The following GLIS1 variants were observed in gnomAD, a reference collection of about 807,000 sequenced individuals.
GLIS1 encodes zinc finger protein GLIS1.
In GLIS1, 24 loss-of-function variants were observed where a neutral mutation model predicts 63.8. The observed-to-expected ratio is 0.38, with a 90% CI of 0.27 to 0.53. The LOEUF (loss-of-function observed/expected upper bound fraction) is 0.53. Among genes scored for constraint, GLIS1 ranks in the 20% least tolerant of loss-of-function variants. GLIS1 has a pLI of 0.85. For synonymous variants in GLIS1, 450 were observed against 482.5 expected (o/e 0.93, Z 0.88); for missense variants, 1,036 against 1,074.1 (o/e 0.96, Z 0.50).
chr1:53,604,910 A>G, intron 2 of GLIS1, among the ~76,000 whole-genome samples: 1 of 30,982 alleles, frequency 3.2e-5, no homozygotes, highest in Middle Eastern at 0.017. Flanking sequence ...AAATATATAT[A>G]TATGTGTGTG....
intron 2 of GLIS1, among the ~76,000 whole-genome samples, chr1:53,666,547 G>C (rs1570014474): frequency 6.6e-6 from 1 of 152,072 alleles, no homozygotes; most frequent in African/African-American, 2.4e-5. Context: ...GGTCTGGCTT[G>C]CCTCCTCTCT....
chr1:53,677,163 C>A (rs186650181), intron 2 of GLIS1, among the ~76,000 whole-genome samples: 1 of 152,320 alleles, frequency 6.6e-6, no homozygotes, highest in African/African-American at 2.4e-5. Flanking sequence ...AATGAGCTTC[C>A]CGAGGAGCTA....
chr1:53,678,328 A>AGG (rs56148850), intron 2 of GLIS1, among the ~76,000 whole-genome samples: 2 of 70,436 alleles, frequency 2.8e-5, no homozygotes, highest in African/African-American at 1.2e-4. Context: ...CAGGAGGGTG[A>AGG]GGGGGGGGGG....
chr1:53,528,525 G>A (rs1432658242), intron 5 of GLIS1, among the ~76,000 whole-genome samples: 1 of 152,184 alleles, frequency 6.6e-6, no homozygotes, highest in African/African-American at 2.4e-5. Flanking sequence ...GTGTGAGACT[G>A]TGGGGCCAGA....
chr1:53,603,522 C>T (rs1262721454), intron 2 of GLIS1, among the ~76,000 whole-genome samples: 1 of 152,222 alleles, frequency 6.6e-6, no homozygotes, highest in Non-Finnish European at 1.5e-5. Flanking sequence ...CCATCACGGT[C>T]CCATGTCTGC....
At chr1:53,698,122 CAATT>C (rs1398404027) in intron 2 of GLIS1, among the ~76,000 whole-genome samples, 2 of 111,690 alleles carry the variant, frequency 1.8e-5, no homozygotes, top group African/African-American at 7.1e-5. Context: ...AAACAGGAAA[CAATT>C]AAAGAACCAA....
chr1:53,732,371 AC>A (rs1282581182), intron 2 of GLIS1, among the ~76,000 whole-genome samples: 2 of 152,084 alleles, frequency 1.3e-5, no homozygotes, highest in Non-Finnish European at 2.9e-5. Context: ...GCTTTGGGAG[AC>A]CAAAGTAGCC....
At chr1:53,691,978 G>A (rs896398132) in intron 2 of GLIS1, among the ~76,000 whole-genome samples, 2 of 152,044 alleles carry the variant, frequency 1.3e-5, no homozygotes, top group East Asian at 1.9e-4. Context: ...GTGGAGGAGC[G>A]GGGAGTTCCA....
chr1:53,661,201 G>C (rs1314936649), intron 2 of GLIS1, among the ~76,000 whole-genome samples: 1 of 152,204 alleles, frequency 6.6e-6, no homozygotes, highest in East Asian at 1.9e-4. Context: ...TGGGAGGACA[G>C]GTAAGCAAAC....
intron 2 of GLIS1, among the ~76,000 whole-genome samples, chr1:53,641,436 G>A (rs1645786105): frequency 6.6e-6 from 1 of 152,210 alleles, no homozygotes; most frequent in Non-Finnish European, 1.5e-5. Flanking sequence ...CTGGGGAGGA[G>A]GAAAACAGGT....
At chr1:53,688,671 T>C (rs1014918873) in intron 2 of GLIS1, 3 of 152,206 alleles carry the variant, frequency 2.0e-5, no homozygotes, top group African/African-American at 7.2e-5. Context: ...ACAGCCCCCA[T>C]ACGGTGTCAT....
intron 2 of GLIS1, among the ~76,000 whole-genome samples, chr1:53,621,511 C>T (rs984815632): frequency 3.9e-5 from 6 of 152,264 alleles, no homozygotes; most frequent in African/African-American, 1.2e-4. Context: ...TGTCAAATGA[C>T]CAATTCGTCA....
intron 2 of GLIS1, among the ~76,000 whole-genome samples, chr1:53,667,288 T>G (rs1442264651): frequency 6.6e-6 from 1 of 152,254 alleles, no homozygotes; most frequent in Non-Finnish European, 1.5e-5. Flanking sequence ...ATGAGCTCCA[T>G]GAGGGCCTCA....
intron 10 of GLIS1, among the ~76,000 whole-genome samples, chr1:53,508,254 G>A (rs1263122907): frequency 3.9e-5 from 6 of 152,262 alleles, no homozygotes; most frequent in Admixed American, 2.6e-4. Context: ...GCAAGCACGG[G>A]CACACGCAGA....
At chr1:53,619,528 A>G (rs2100592562) in intron 2 of GLIS1, among the ~76,000 whole-genome samples, 1 of 152,318 alleles carries the variant, frequency 6.6e-6, no homozygotes, top group South Asian at 2.1e-4. Flanking sequence ...TAGATACATC[A>G]ATCAGCCCAT....
chr1:53,597,119 G>C (rs1448494636), intron 3 of GLIS1, among the ~76,000 whole-genome samples: 1 of 144,850 alleles, frequency 6.9e-6, no homozygotes, highest in African/African-American at 2.6e-5. Context: ...ACGGCAGTTG[G>C]GGGTTGAGAG....
chr1:53,701,998 G>GA (rs919008620), intron 2 of GLIS1, among the ~76,000 whole-genome samples: 3,361 of 56,276 alleles, frequency 0.06, 160 homozygotes, highest in African/African-American at 0.15. Context: ...ACCTAAAAAA[G>GA]AAAAAAAAAA....
At position 53,558,514 on chromosome 1, in the gene GLIS1, G is replaced by A. The variant is rs958069986; in HGVS notation, c.1321-28562C>T. Among the ~76,000 whole-genome samples, 12 of 152,220 alleles carry A rather than the reference G, an allele frequency of 7.9e-5. No homozygotes were observed. In the South Asian group the frequency reaches 1.9e-3, roughly 24 times the overall value. On this transcript the variant is annotated intron_variant, in intron 4 of 10. Coordinates refer to ENST00000628545, the MANE Select transcript of GLIS1 (RefSeq NM_001367484.1). The stretch of plus-strand genomic sequence containing the variant: ...TTCCAGCCATTCTTGAACATGATGC[G>A]CCTTTGTTCACACTCTTCCCATGCC...
intron 4 of GLIS1, among the ~76,000 whole-genome samples, chr1:53,576,078 C>T (rs942672345): frequency 2.0e-5 from 3 of 152,120 alleles, no homozygotes; most frequent in African/African-American, 7.2e-5. Context: ...ATGCCCACCG[C>T]CCCTTTCCTA....
Sources: allele counts gnomAD v4.1 joint callset (sites outside exome capture counted in the v4.1 genomes callset), GRCh38; gene constraint gnomAD v4.1.1; transcripts MANE v1.5; gene names NCBI Gene and HGNC (gene_info 2026-07-23, HGNC 2026-07-21).